Variants in APPL2 observed in about 807,000 individuals in gnomAD.
APPL2 encodes the protein adaptor protein, phosphotyrosine interacting with PH domain and leucine zipper 2, also known as DCC-interacting protein 13-beta.
In APPL2, 84 loss-of-function variants were observed where a neutral mutation model predicts 92.7. The ratio of observed to expected loss-of-function variants is 0.91; its 90% confidence interval spans 0.76 to 1.09. The LOEUF (loss-of-function observed/expected upper bound fraction) is 1.09. APPL2 is among the 50% of genes least tolerant of loss of function. APPL2 has a pLI of 0.00. For synonymous variants in APPL2, 291 were observed against 291.0 expected, an observed-to-expected ratio of 1.00 and a Z score of 0.00; for missense variants, 736 against 824.5, an observed-to-expected ratio of 0.89 and a Z score of 1.31.
chr12:105,187,013 T>C (rs950370166), intron 17 of APPL2, among the ~76,000 whole-genome samples: 2 of 152,154 alleles, frequency 1.3e-5, no homozygotes, highest in African/African-American at 4.8e-5. Flanking sequence ...GTGAATACTT[T>C]TTTCCCATTC....
At chr12:105,177,149 G>A in intron 18 of APPL2, 77 bp downstream of exon 18, 1 of 1,594,782 alleles carries the variant, frequency 6.3e-7, no homozygotes, top group East Asian at 2.2e-5. Flanking sequence ...TTAATAAAGT[G>A]CCTAGGCTGT....
At chr12:105,212,451 T>A (rs544376288) in intron 4 of APPL2, among the ~76,000 whole-genome samples, 1 of 152,364 alleles carries the variant, frequency 6.6e-6, no homozygotes, top group African/African-American at 2.4e-5. Flanking sequence ...TTTACAGACA[T>A]GCAAATAGCT....
chr12:105,189,748 A>G, intron 16 of APPL2, 24 bp downstream of exon 16: 1 of 1,612,324 alleles, frequency 6.2e-7, no homozygotes, highest in Non-Finnish European at 8.5e-7. Flanking sequence ...AGGAAAGAAT[A>G]AGGACACCAA....
chr12:105,210,195 A>C (rs1196757), intron 5 of APPL2, among the ~76,000 whole-genome samples: 104,419 of 151,970 alleles, frequency 0.69, 37,161 homozygotes, highest in East Asian at 1. Context: ...CTCCTGACCT[A>C]GTGATCCGCC....
chr12:105,216,292 TC>T (rs1313465387), intron 4 of APPL2, among the ~76,000 whole-genome samples: 1 of 151,704 alleles, frequency 6.6e-6, no homozygotes, highest in African/African-American at 2.4e-5. Flanking sequence ...GACAGGAGGA[TC>T]CTTTGAGGCC....
chr12:105,206,297 C>T (rs200274054), intron 8 of APPL2, among the ~76,000 whole-genome samples: 1 of 152,218 alleles, frequency 6.6e-6, no homozygotes, highest in East Asian at 1.9e-4. Flanking sequence ...ATTTTGCTTC[C>T]TCGCATCCCC....
intron 20 of APPL2, among the ~76,000 whole-genome samples, chr12:105,175,304 GTGCTTGC>G (rs1032200402): frequency 6.6e-6 from 1 of 152,186 alleles, no homozygotes; most frequent in African/African-American, 2.4e-5. Flanking sequence ...CTAGCTTACA[GTGCTTGC>G]CACTATTTCA....
rs749454237 is a variant in APPL2 at position 105,190,024 on chromosome 12, G to A, written c.1373C>T (p.Ala458Val). ...TPIQFDIVLP[A>V]TEFLDQNRGS... ...TCTGTTCTGATCAAGGAATTCTGTAGCAGGAAGCACAATATCGAATTGAAT... is the reference window on the plus strand; with the variant it reads ...TCTGTTCTGATCAAGGAATTCTGTAACAGGAAGCACAATATCGAATTGAAT... Residue 458 changes from alanine to valine, a missense_variant, in exon 15 of 21, where the codon GCT (alanine) becomes GTT (valine). Ala to Val is a moderately conservative substitution (Grantham distance 64, BLOSUM62 0). Transcript: ENST00000258530. 1 of 1,614,162 alleles carries A rather than the reference G, an allele frequency of 6.2e-7. No individual in the cohort carries two copies. Among genetic ancestry groups the A allele is most frequent in the Non-Finnish European group, 8.5e-7 (1 of 1,180,040 alleles).
intron 2 of APPL2, among the ~76,000 whole-genome samples, chr12:105,228,774 C>T (rs922236616): frequency 2.0e-5 from 3 of 151,980 alleles, no homozygotes; most frequent in Non-Finnish European, 4.4e-5. Context: ...AAGACTCTGC[C>T]CATTTATGAA....
intron 2 of APPL2, among the ~76,000 whole-genome samples, chr12:105,224,676 G>A (rs111840031): frequency 1.7e-3 from 256 of 152,280 alleles, no homozygotes; most frequent in African/African-American, 5.8e-3. Flanking sequence ...AGCCTAGTGC[G>A]TGGCACTTTT....
intron 5 of APPL2, among the ~76,000 whole-genome samples, chr12:105,209,791 T>A (rs1889060359): frequency 6.6e-6 from 1 of 152,200 alleles, no homozygotes; most frequent in African/African-American, 2.4e-5. Context: ...CTTTGTTTAA[T>A]CAAGGTTTCC....
chr12:105,186,636 C>CGATATCATATATATT (rs1491368321), intron 17 of APPL2, among the ~76,000 whole-genome samples: 1 of 88,668 alleles, frequency 1.1e-5, no homozygotes, highest in African/African-American at 3.5e-5. Flanking sequence ...TCATATATAT[C>CGATATCATATATATT]ATATATATGA....
At chr12:105,208,131 C>T (rs773872255) in intron 6 of APPL2, 27 bp downstream of exon 6, 1 of 1,614,172 alleles carries the variant, frequency 6.2e-7, no homozygotes, top group South Asian at 1.1e-5. Context: ...CACACACCCA[C>T]ACACCAGGAA....
chr12:105,174,481 A>G, intron 20 of APPL2, 33 bp from the exon 21 acceptor site: 1 of 1,600,550 alleles, frequency 6.2e-7, no homozygotes, highest in Non-Finnish European at 8.5e-7. Flanking sequence ...GGGAAAAAAG[A>G]AAAGGCTTAA....
intron 8 of APPL2, among the ~76,000 whole-genome samples, chr12:105,205,560 G>A (rs955578132): frequency 3.9e-5 from 6 of 152,174 alleles, no homozygotes; most frequent in African/African-American, 1.4e-4. Flanking sequence ...TGTCCTGTAG[G>A]CCTTGCAGGA....
At position 105,195,515 on chromosome 12, in the gene APPL2, T is replaced by C. The variant is rs1247754335; in HGVS notation, c.1096-14A>G. 3 of 1,614,042 alleles carry C rather than the reference T, an allele frequency of 1.9e-6. No individual in the cohort carries two copies. Among genetic ancestry groups the C allele is most frequent in the Non-Finnish European group, 2.5e-6 (3 of 1,180,032 alleles). On this transcript the variant is annotated splice_polypyrimidine_tract_variant and intron_variant, in intron 12 of 20. Coordinates refer to ENST00000258530, the MANE Select transcript of APPL2 (RefSeq NM_018171.5). ...TGCACATATCCACTGTAGAGGACAT[T>C]AAAAAAGAACACTGAATCCCAAAGT...
chr12:105,198,236 C>T (rs1357797671), intron 10 of APPL2, among the ~76,000 whole-genome samples: 2 of 152,154 alleles, frequency 1.3e-5, no homozygotes, highest in Non-Finnish European at 2.9e-5. Flanking sequence ...GGAGATGCAA[C>T]TAGAATGAGT....
intron 14 of APPL2, among the ~76,000 whole-genome samples, chr12:105,194,171 T>C (rs542929875): frequency 7.2e-5 from 11 of 152,320 alleles, no homozygotes; most frequent in African/African-American, 2.6e-4. Flanking sequence ...ACACCAAATA[T>C]AGTCGTAATT....
intron 14 of APPL2, 21 bp from the exon 15 acceptor site, chr12:105,190,176 T>C (rs769178183): frequency 1.2e-6 from 2 of 1,609,964 alleles, no homozygotes; most frequent in Admixed American, 1.7e-5. Flanking sequence ...AAAAAATCAA[T>C]TCCCTTAACC....
Sources: allele counts gnomAD v4.1 joint callset (sites outside exome capture counted in the v4.1 genomes callset), GRCh38; gene constraint gnomAD v4.1.1; transcripts MANE v1.5; gene names NCBI Gene and HGNC (gene_info 2026-07-23, HGNC 2026-07-21).